UBAP2: variants seen among roughly 807,000 people sequenced by gnomAD.
UBAP2 encodes the protein ubiquitin-associated protein 2.
In UBAP2, 75 loss-of-function variants were observed where a neutral mutation model predicts 139.6. That is an observed-to-expected ratio of 0.54 (90% CI 0.45 to 0.65). The LOEUF is 0.65. Among genes scored for constraint, UBAP2 ranks in the 30% least tolerant of loss-of-function variants. The pLI, the probability that UBAP2 is intolerant of heterozygous loss-of-function variation, is 0.00. For synonymous variants in UBAP2, 526 were observed against 526.2 expected (o/e 1.00, Z 0.01); for missense variants, 1,368 against 1,369.6 (o/e 1.00, Z 0.02).
intron 6 of UBAP2, among the ~76,000 whole-genome samples, chr9:33,981,184 G>T (rs866720516): frequency 1.7e-3 from 3 of 1,724 alleles, no homozygotes; most frequent in Non-Finnish European, 3.9e-3. Context: ...ATATATTCTG[G>T]ATATATATAT....
At chr9:34,034,228 C>A (rs1215444139) in intron 1 of UBAP2, among the ~76,000 whole-genome samples, 2 of 152,200 alleles carry the variant, frequency 1.3e-5, no homozygotes, top group African/African-American at 4.8e-5. Flanking sequence ...GGTTTTATTA[C>A]AAGCCTAAAA....
intron 6 of UBAP2, among the ~76,000 whole-genome samples, chr9:33,986,102 G>C (rs1018392780): frequency 3.3e-5 from 5 of 151,536 alleles, no homozygotes; most frequent in African/African-American, 9.7e-5. Flanking sequence ...GCCCAGGCTG[G>C]AGTGCAGTGA....
intron 1 of UBAP2, among the ~76,000 whole-genome samples, chr9:34,035,514 A>AAAAAAAAATAT: frequency 1.8e-4 from 4 of 22,492 alleles, no homozygotes; most frequent in Non-Finnish European, 3.9e-4. Flanking sequence ...AAAAAAAAAA[A>AAAAAAAAATAT]ATATATATAT....
intron 10 of UBAP2, among the ~76,000 whole-genome samples, chr9:33,956,556 T>C (rs1359288712): frequency 6.6e-6 from 1 of 152,100 alleles, no homozygotes; most frequent in Non-Finnish European, 1.5e-5. Context: ...CTCCAATTCC[T>C]GGCCTCAAGT....
chr9:34,034,073 T>G (rs1826121447), intron 1 of UBAP2, among the ~76,000 whole-genome samples: 1 of 152,136 alleles, frequency 6.6e-6, no homozygotes, highest in Non-Finnish European at 1.5e-5. Flanking sequence ...TGACCTAAAA[T>G]AATAGTTCTC....
At chr9:33,983,987 C>G (rs759475490) in intron 6 of UBAP2, among the ~76,000 whole-genome samples, 4 of 151,882 alleles carry the variant, frequency 2.6e-5, no homozygotes, top group African/African-American at 9.7e-5. Context: ...TCTCGGCTCA[C>G]TGCAGCCTCC....
chr9:33,922,682 C>G lies in UBAP2; in HGVS notation c.3264+5G>C. On this transcript the variant is annotated splice_donor_5th_base_variant and intron_variant, in intron 28 of 28. Coordinates refer to ENST00000379238, the MANE Select transcript of UBAP2 (RefSeq NM_001370062.2). ...TAGGGTGGCTGCCTCCATCACTGTA[C>G]TCACCTGTGCATCCTGCGGAAGGTG... 1.9e-6 allele frequency: 3 copies of G among 1,560,268 alleles called. No individual in the cohort carries two copies. Among genetic ancestry groups the G allele is most frequent in the Non-Finnish European group, 2.6e-6 (3 of 1,153,752 alleles).
chr9:34,016,370 C>CGGTGGTGGTGGTGGTGGTGGTGGTGGT (rs74180522), intron 2 of UBAP2, among the ~76,000 whole-genome samples: 57 of 93,724 alleles, frequency 6.1e-4, no homozygotes, highest in African/African-American at 2.1e-3. Flanking sequence ...GCGGCAGCGG[C>CGGTGGTGGTGGTGGTGGTGGTGGTGGT]GGTGGTGGTG....
chr9:33,983,042 T>G (rs1028957041), intron 6 of UBAP2, among the ~76,000 whole-genome samples: 1 of 152,008 alleles, frequency 6.6e-6, no homozygotes, highest in Admixed American at 6.6e-5. Context: ...CATACCCAGC[T>G]AATTTTTTTG....
chr9:33,955,181 C>CA (rs57984537), intron 11 of UBAP2, among the ~76,000 whole-genome samples: 4,126 of 121,960 alleles, frequency 0.034, 70 homozygotes, highest in African/African-American at 0.059. Flanking sequence ...TTCATTCTGT[C>CA]AAAAAAAAAA....
Position 33,930,473 on chromosome 9 carries a change from C to A in UBAP2, c.2175+2089G>T, listed in dbSNP as rs574566548. On this transcript the variant is annotated intron_variant, in intron 19 of 28. Transcript: ENST00000379238. ...TGTGGGGAAACAACAACAACAACAA[C>A]AAAAAACCCTTAAGTTTCAACATGG... Among the ~76,000 whole-genome samples the A allele has an allele frequency of 9.2e-5, 14 of 151,770 alleles. 1 individual carries two copies. In the South Asian group the frequency reaches 1.7e-3, roughly 18 times the overall value.
chr9:33,948,391 G>A lies in UBAP2; in HGVS notation c.1253C>T (p.Ser418Leu). 1 of 1,611,958 alleles carries A rather than the reference G, an allele frequency of 6.2e-7. No individual in the cohort carries two copies. Among genetic ancestry groups the A allele is most frequent in the Non-Finnish European group, 8.5e-7 (1 of 1,178,390 alleles). Residue 418 changes from serine (S) to leucine (L), a missense_variant, in exon 13 of 29, where the codon TCA becomes TTA. Transcript: ENST00000379238. The stretch of plus-strand genomic sequence containing the variant: ...ATACCTACCAAGATGACTGAGGACT[G>A]AGGACTGGGATGTTGGGGGCTTGAG... Reference protein sequence around the residue: ...WDLKPPTSQSSVLSHLDFKSQ... With the variant: ...WDLKPPTSQSLVLSHLDFKSQ...
chr9:34,028,662 G>A (rs182070975), intron 1 of UBAP2, among the ~76,000 whole-genome samples: 5 of 152,088 alleles, frequency 3.3e-5, no homozygotes, highest in Admixed American at 2.6e-4. Flanking sequence ...TTACAGACAC[G>A]AGCCACTGCG....
intron 6 of UBAP2, among the ~76,000 whole-genome samples, chr9:33,979,502 G>A (rs1206303990): frequency 2.0e-5 from 3 of 152,052 alleles, no homozygotes; most frequent in Non-Finnish European, 4.4e-5. Flanking sequence ...TTGAACCCGG[G>A]AGGCGGAGGT....
chr9:33,989,197 ATCTT>A (rs997302410), intron 4 of UBAP2, 71 bp from the exon 5 acceptor site: 24 of 1,331,706 alleles, frequency 1.8e-5, no homozygotes, highest in African/African-American at 1.6e-4. Context: ...ACATGCATGT[ATCTT>A]TCTTTTTTTT....
At chr9:33,988,210 G>C (rs1168846970) in intron 5 of UBAP2, among the ~76,000 whole-genome samples, 1 of 151,842 alleles carries the variant, frequency 6.6e-6, no homozygotes, top group Non-Finnish European at 1.5e-5. Context: ...TTCATTAAAA[G>C]TTTTAGAAAG....
At chr9:34,045,931 TC>T (rs1564079901) in intron 1 of UBAP2, among the ~76,000 whole-genome samples, 1 of 152,164 alleles carries the variant, frequency 6.6e-6, no homozygotes, top group African/African-American at 2.4e-5. Flanking sequence ...TCAGGTTGTA[TC>T]TCCACTCTTT....
intron 8 of UBAP2, among the ~76,000 whole-genome samples, chr9:33,970,457 C>T (rs1827833827): frequency 6.6e-6 from 1 of 151,232 alleles, no homozygotes; most frequent in African/African-American, 2.4e-5. Flanking sequence ...TTCAGGCACG[C>T]CTTGCTCTGT....
In UBAP2 at chr9:34,017,126, T is replaced by C; in HGVS notation, c.23A>G (p.Asp8Gly). The change falls in exon 2 of 29, where the codon GAC (aspartate) becomes GGC (glycine). Residue 8 changes from aspartate (D) to glycine (G), a missense_variant. By Grantham distance (94) the Asp-to-Gly change is moderately conservative (BLOSUM62 -1). Transcript: ENST00000379238. MMTSVSS[D>G]HCRGAREKPQ... ...TTTTTCCCGAGCACCTCGACAATGGTCACTGCTCACTGAAGTCATCATATA... is the reference window on the plus strand; with the variant it reads ...TTTTTCCCGAGCACCTCGACAATGGCCACTGCTCACTGAAGTCATCATATA... 1 of 1,608,992 alleles carries C rather than the reference T, an allele frequency of 6.2e-7. No homozygotes were observed. The highest frequency in any genetic ancestry group is 8.5e-7 in the Non-Finnish European group (1 of 1,178,652).
Sources: allele counts gnomAD v4.1 joint callset (sites outside exome capture counted in the v4.1 genomes callset), GRCh38; gene constraint gnomAD v4.1.1; transcripts MANE v1.5; gene names NCBI Gene and HGNC (gene_info 2026-07-23, HGNC 2026-07-21).